Variants in AKAP6 observed in about 807,000 individuals in gnomAD.
The protein encoded by AKAP6 is A-kinase anchor protein 6.
Under a neutral mutation model 188.5 loss-of-function variants are expected in AKAP6, and 58 were observed. That is an observed-to-expected ratio of 0.31 (90% CI 0.25 to 0.38). AKAP6 has a LOEUF of 0.38. Among genes scored for constraint, AKAP6 ranks in the 10% least tolerant of loss-of-function variants. The pLI, the probability that AKAP6 is intolerant of heterozygous loss-of-function variation, is 1.00. For synonymous variants in AKAP6, 989 were observed against 998.6 expected, an observed-to-expected ratio of 0.99 and a Z score of 0.18; for missense variants, 2,710 against 2,740.0, an observed-to-expected ratio of 0.99 and a Z score of 0.24.
chr14:32,347,123 T>C (rs975239097), intron 1 of AKAP6, among the ~76,000 whole-genome samples: 7 of 152,254 alleles, frequency 4.6e-5, no homozygotes, highest in Non-Finnish European at 8.8e-5. Context: ...AGCTTTGCTC[T>C]ATTTAGGATT....
Position 32,829,937 on chromosome 14 carries a change from A to G in AKAP6, c.*132A>G, listed in dbSNP as rs763480069. 5.7e-6 allele frequency: 4 copies of G among 702,558 alleles called. No homozygotes were observed. The highest frequency in any genetic ancestry group is 4.0e-5 in the Admixed American group (2 of 49,952). The allele number at this position is 702,558 out of a possible 1,614,324, so 43.5% of individuals were successfully genotyped here. On this transcript the variant is annotated 3_prime_UTR_variant, in exon 14 of 14. Transcript: ENST00000280979. ...CACGTTTGTCACTGCCGTTTATTAC[A>G]TTGACTTCTCCCAAGATGAATCTTC...
At chr14:32,630,334 A>AT (rs201398161) in intron 7 of AKAP6, among the ~76,000 whole-genome samples, 30 of 151,976 alleles carry the variant, frequency 2.0e-4, no homozygotes, top group South Asian at 8.3e-4. Flanking sequence ...AGAATGCAAG[A>AT]TTTTTTTTCA....
rs1594758561 is a variant in AKAP6 at position 32,580,555 on chromosome 14, A to G, written c.2469+3313A>G. On this transcript the variant is annotated intron_variant, in intron 5 of 13. Coordinates refer to ENST00000280979, the MANE Select transcript of AKAP6 (RefSeq NM_004274.5). ...TCCCTTTAGTCACACTCTTCATTTT[A>G]TTTTATTATTATTATACTTTAAGTT... is the stretch of plus-strand genomic sequence containing the variant. Among the ~76,000 whole-genome samples, 3 of 151,970 alleles carry G rather than the reference A, an allele frequency of 2.0e-5. No individual in the cohort carries two copies. In the South Asian group the frequency reaches 6.2e-4, roughly 32 times the overall value.
At chr14:32,826,740 G>A (rs574865474) in intron 13 of AKAP6, among the ~76,000 whole-genome samples, 9 of 152,300 alleles carry the variant, frequency 5.9e-5, no homozygotes, top group African/African-American at 1.7e-4. Flanking sequence ...TCCATCTTTA[G>A]ACTTGGAGGA....
chr14:32,389,567 T>A (rs1888641956), intron 1 of AKAP6, among the ~76,000 whole-genome samples: 1 of 152,158 alleles, frequency 6.6e-6, no homozygotes, highest in South Asian at 2.1e-4. Context: ...CAGCATTTGT[T>A]TGTCTGAAAA....
chr14:32,405,615 T>C (rs1181571820), intron 1 of AKAP6, among the ~76,000 whole-genome samples: 1 of 152,142 alleles, frequency 6.6e-6, no homozygotes, highest in Non-Finnish European at 1.5e-5. Flanking sequence ...TGAATTATAA[T>C]CCCCAAATCC....
chr14:32,730,335 C>T (rs2031112691), intron 9 of AKAP6, among the ~76,000 whole-genome samples: 2 of 152,200 alleles, frequency 1.3e-5, no homozygotes, highest in African/African-American at 4.8e-5. Flanking sequence ...ACTGAGAGCA[C>T]ACATAAAGAC....
intron 2 of AKAP6, among the ~76,000 whole-genome samples, chr14:32,499,638 TTAAA>T (rs1359854974): frequency 6.6e-6 from 1 of 151,878 alleles, no homozygotes; most frequent in Non-Finnish European, 1.5e-5. Flanking sequence ...AATAATAATA[TTAAA>T]TATCACTATT....
chr14:32,399,236 T>C (rs1889000557), intron 1 of AKAP6, among the ~76,000 whole-genome samples: 1 of 152,178 alleles, frequency 6.6e-6, no homozygotes, highest in African/African-American at 2.4e-5. Context: ...AAAACTACAA[T>C]AAGTTTGATT....
intron 1 of AKAP6, among the ~76,000 whole-genome samples, chr14:32,369,033 G>A (rs1430183475): frequency 1.2e-4 from 18 of 152,024 alleles, no homozygotes; most frequent in African/African-American, 9.7e-5. Context: ...GAGAATGAAC[G>A]GGCTTTATTA....
At chr14:32,356,900 T>C (rs978645586) in intron 1 of AKAP6, among the ~76,000 whole-genome samples, 5 of 152,092 alleles carry the variant, frequency 3.3e-5, no homozygotes, top group Non-Finnish European at 7.4e-5. Flanking sequence ...GAAACTTCTT[T>C]GATGCCTCAC....
chr14:32,742,814 A>G (rs2031736538), intron 11 of AKAP6, among the ~76,000 whole-genome samples: 1 of 152,072 alleles, frequency 6.6e-6, no homozygotes, highest in Admixed American at 6.5e-5. Flanking sequence ...AGAATGATCC[A>G]TGTGTTGAGG....
intron 7 of AKAP6, among the ~76,000 whole-genome samples, chr14:32,645,794 T>C (rs758703426): frequency 1.3e-5 from 2 of 152,192 alleles, no homozygotes; most frequent in African/African-American, 2.4e-5. Flanking sequence ...AAAAGGAGTC[T>C]TTGAGAAAAA....
chr14:32,505,422 CA>C (rs551314224), intron 2 of AKAP6, among the ~76,000 whole-genome samples: 1 of 150,494 alleles, frequency 6.6e-6, no homozygotes, highest in African/African-American at 2.4e-5. Context: ...AAGAGGATGA[CA>C]AAAAAAACTT....
At chr14:32,474,468 C>T (rs1456314049) in intron 2 of AKAP6, 1 of 152,054 alleles carries the variant, frequency 6.6e-6, no homozygotes, top group African/African-American at 2.4e-5. Context: ...CATGGTTCAA[C>T]ATCTGTATAC....
rs370583166 is a variant in AKAP6, at chr14:32,812,615, G to A, written c.3589-8787G>A. 3.1e-3 allele frequency among the ~76,000 whole-genome samples: 477 copies of A among 152,260 alleles called. 2 individuals carry two copies. The highest frequency in any genetic ancestry group is 6.3e-3 in the Admixed American group (97 of 15,302). ...TAGATTATTTTTCAAGTTACTTCTA[G>A]TGAAACATTCAGAGTTAGGTGGGAA... is the stretch of plus-strand genomic sequence containing the variant. On this transcript the variant is annotated intron_variant, in intron 12 of 13. Transcript: ENST00000280979.
intron 7 of AKAP6, among the ~76,000 whole-genome samples, chr14:32,670,713 G>T (rs1214622084): frequency 6.6e-6 from 1 of 151,814 alleles, no homozygotes; most frequent in Non-Finnish European, 1.5e-5. Flanking sequence ...ATGAATTAAA[G>T]AAGCTTTTTT....
intron 2 of AKAP6, among the ~76,000 whole-genome samples, chr14:32,462,008 G>A (rs555567787): frequency 1.7e-4 from 26 of 151,832 alleles, no homozygotes; most frequent in South Asian, 1.2e-3. Flanking sequence ...TACTGAATAA[G>A]GTGTGAAGAC....
chr14:32,778,388 C>G (rs1258315132), intron 12 of AKAP6, among the ~76,000 whole-genome samples: 1 of 151,200 alleles, frequency 6.6e-6, no homozygotes, highest in Non-Finnish European at 1.5e-5. Context: ...ATGTAGAAGT[C>G]AAACGTATGA....
Sources: gnomAD v4.1 joint callset for allele counts (sites outside exome capture counted in the v4.1 genomes callset) on GRCh38, gnomAD v4.1.1 for gene constraint, MANE v1.5 for transcripts, NCBI Gene and HGNC (gene_info 2026-07-23, HGNC 2026-07-21) for gene names.